The following PTPRD variants were observed in gnomAD, a reference collection of about 807,000 sequenced individuals.
PTPRD encodes receptor-type tyrosine-protein phosphatase delta.
Under a neutral mutation model 214.5 loss-of-function variants are expected in PTPRD, and 34 were observed. The observed-to-expected ratio is 0.16, with a 90% CI of 0.12 to 0.21. The LOEUF is 0.21. Ranked by LOEUF, PTPRD falls within the 10% of genes least tolerant of loss-of-function variation. The pLI is 1.00. For missense variants in PTPRD, 2,545 were observed against 2,398.7 expected, an observed-to-expected ratio of 1.06 and a Z score of -1.27; for synonymous variants, 1,128 against 845.7, an observed-to-expected ratio of 1.33 and a Z score of -5.79.
chr9:8,695,828 A>G (rs1273376210), intron 12 of PTPRD, among the ~76,000 whole-genome samples: 7 of 152,184 alleles, frequency 4.6e-5, no homozygotes, highest in African/African-American at 1.7e-4. Flanking sequence ...GTTTTAGCAT[A>G]TCCAGTTTTC....
At chr9:8,364,302 T>C (rs1268629202) in intron 39 of PTPRD, among the ~76,000 whole-genome samples, 4 of 152,212 alleles carry the variant, frequency 2.6e-5, no homozygotes, top group East Asian at 1.9e-4. Flanking sequence ...TTACACAAAA[T>C]GGAGATTTGG....
At position 8,376,008 on chromosome 9, in the gene PTPRD, G is replaced by A. The variant is rs1402915699; in HGVS notation, c.4589C>T (p.Pro1530Leu). The A allele has an allele frequency of 1.2e-6, 2 of 1,612,854 alleles. No individual in the cohort carries two copies. Among genetic ancestry groups the A allele is most frequent in the Non-Finnish European group, 1.7e-6 (2 of 1,179,282 alleles). The change falls in exon 39 of 46, where the codon CCT becomes CTT. Residue 1530 changes from proline to leucine, a missense_variant. Transcript: ENST00000381196. ...PDHGVPEHPT[P>L]FLAFLRRVKT... is the part of the protein sequence containing the mutation. ...GACTCTACGTAAGAAAGCTAGAAAAGGTGTAGGGTGTTCTGGAACACCATG... is the reference window on the plus strand; with the variant it reads ...GACTCTACGTAAGAAAGCTAGAAAAAGTGTAGGGTGTTCTGGAACACCATG...
chr9:10,168,221 C>G (rs181882028), intron 3 of PTPRD, among the ~76,000 whole-genome samples: 17 of 152,176 alleles, frequency 1.1e-4, no homozygotes, highest in African/African-American at 3.9e-4. Flanking sequence ...GTAATAAAAT[C>G]TAGTTTAACA....
chr9:9,843,680 A>G lies in PTPRD; in HGVS notation c.-367-76829T>C, dbSNP rs1053490566. 3.9e-5 allele frequency among the ~76,000 whole-genome samples: 6 copies of G among 152,014 alleles called. 1 individual carries two copies. Among genetic ancestry groups the G allele is most frequent in the Non-Finnish European group, 8.8e-5 (6 of 67,938 alleles). On this transcript the variant is annotated intron_variant, in intron 5 of 45. Transcript: ENST00000381196. Reference sequence around the variant, plus strand: ...AATATTTCTCGATCTTTGAAAACACATATATTAAACTTTGTTTATATAAAT... The same window carrying G: ...AATATTTCTCGATCTTTGAAAACACGTATATTAAACTTTGTTTATATAAAT...
intron 5 of PTPRD, among the ~76,000 whole-genome samples, chr9:9,907,013 C>G (rs1312889537): frequency 6.6e-6 from 1 of 151,756 alleles, no homozygotes; most frequent in Non-Finnish European, 1.5e-5. Flanking sequence ...GGAAAAATTA[C>G]CTAAGTTTTC....
At chr9:9,845,212 C>CTATA (rs370895852) in intron 5 of PTPRD, among the ~76,000 whole-genome samples, 1 of 120,024 alleles carries the variant, frequency 8.3e-6, no homozygotes, top group African/African-American at 3.3e-5. Flanking sequence ...ATATATACTG[C>CTATA]TATATATATA....
chr9:9,899,963 G>GA (rs777936663), intron 5 of PTPRD, among the ~76,000 whole-genome samples: 6 of 151,886 alleles, frequency 4.0e-5, no homozygotes, highest in Non-Finnish European at 7.4e-5. Flanking sequence ...TGACAAACCT[G>GA]AAAAAAGTAG....
chr9:9,582,177 C>G (rs1048256260), intron 7 of PTPRD, among the ~76,000 whole-genome samples: 9 of 152,096 alleles, frequency 5.9e-5, no homozygotes, highest in African/African-American at 1.9e-4. Context: ...TTGCTAGGTT[C>G]ATGACCACTT....
chr9:8,575,543 G>A (rs916078219), intron 14 of PTPRD, among the ~76,000 whole-genome samples: 1 of 152,034 alleles, frequency 6.6e-6, no homozygotes, highest in Non-Finnish European at 1.5e-5. Context: ...TCACCCTATG[G>A]ATTTTACCAG....
chr9:8,492,037 T>C (rs965736425), intron 27 of PTPRD, among the ~76,000 whole-genome samples: 4 of 152,230 alleles, frequency 2.6e-5, no homozygotes, highest in East Asian at 1.9e-4. Context: ...TTTCCTACTG[T>C]GGCTGACCAA....
At chr9:9,703,432 G>A (rs1595621441) in intron 7 of PTPRD, among the ~76,000 whole-genome samples, 1 of 152,080 alleles carries the variant, frequency 6.6e-6, no homozygotes, top group East Asian at 1.9e-4. Flanking sequence ...AGTAATCAAA[G>A]TGGGGTTTAC....
chr9:10,567,803 A>G (rs191247457), intron 2 of PTPRD, among the ~76,000 whole-genome samples: 15 of 151,974 alleles, frequency 9.9e-5, no homozygotes, highest in Non-Finnish European at 2.1e-4. Flanking sequence ...TTATGTATGT[A>G]TATAGTTTAG....
At chr9:9,871,117 A>C (rs1406525797) in intron 5 of PTPRD, among the ~76,000 whole-genome samples, 1 of 152,178 alleles carries the variant, frequency 6.6e-6, no homozygotes, top group African/African-American at 2.4e-5. Context: ...TGGGTTCAAC[A>C]AAAGGTGTTA....
chr9:9,441,017 T>G (rs978924912), intron 8 of PTPRD, among the ~76,000 whole-genome samples: 10 of 152,194 alleles, frequency 6.6e-5, no homozygotes, highest in African/African-American at 2.4e-4. Context: ...AGAGCTGAAA[T>G]GTCCTGTGAG....
chr9:10,520,982 C>T (rs2052041987), intron 2 of PTPRD, among the ~76,000 whole-genome samples: 1 of 151,552 alleles, frequency 6.6e-6, no homozygotes, highest in African/African-American at 2.4e-5. Flanking sequence ...AGTAACACAA[C>T]ATGTAGCCTA....
chr9:10,192,358 A>C (rs1402320020), intron 3 of PTPRD, among the ~76,000 whole-genome samples: 1 of 151,754 alleles, frequency 6.6e-6, no homozygotes. Context: ...AATACAACAG[A>C]AATTTATTCT....
chr9:9,373,431 T>C (rs367938271), intron 9 of PTPRD, among the ~76,000 whole-genome samples: 1 of 152,136 alleles, frequency 6.6e-6, no homozygotes, highest in Non-Finnish European at 1.5e-5. Context: ...ACATAATTAG[T>C]GGCTTAAAGC....
intron 3 of PTPRD, among the ~76,000 whole-genome samples, chr9:10,102,407 T>TA (rs35791060): frequency 7.9e-5 from 12 of 151,006 alleles, no homozygotes; most frequent in African/African-American, 1.7e-4. Context: ...GATGTCAATA[T>TA]AAAAAAACCC....
intron 3 of PTPRD, among the ~76,000 whole-genome samples, chr9:10,178,730 G>C (rs192951288): frequency 6.6e-6 from 1 of 152,008 alleles, no homozygotes; most frequent in African/African-American, 2.4e-5. Context: ...ATATTGTGTT[G>C]TGAGGGGCTT....
Sources: gnomAD v4.1 joint callset for allele counts (sites outside exome capture counted in the v4.1 genomes callset) on GRCh38, gnomAD v4.1.1 for gene constraint, MANE v1.5 for transcripts, NCBI Gene and HGNC (gene_info 2026-07-23, HGNC 2026-07-21) for gene names.